IPO4: variants seen among roughly 807,000 people sequenced by gnomAD.
The protein encoded by IPO4 is importin 4.
In IPO4, 91 loss-of-function variants were observed where a neutral mutation model predicts 133.5. That is an observed-to-expected ratio of 0.68 (90% CI 0.58 to 0.81). IPO4 has a LOEUF of 0.81. IPO4 is among the 30% of genes least tolerant of loss of function. The pLI is 0.00. For missense variants in IPO4, 1,279 were observed against 1,386.2 expected (o/e 0.92, Z 1.23); for synonymous variants, 607 against 581.6 (o/e 1.04, Z -0.63).
At chr14:24,186,505 C>T (rs2039225634) in intron 9 of IPO4, 54 bp from the exon 10 acceptor site, 1 of 1,518,904 alleles carries the variant, frequency 6.6e-7, no homozygotes, top group Non-Finnish European at 8.8e-7. Context: ...AGGATGGGCT[C>T]ACATTAAAAA....
At chr14:24,185,825 T>C (rs1279167083) in intron 12 of IPO4, 36 bp downstream of exon 12, 9 of 1,515,900 alleles carry the variant, frequency 5.9e-6, no homozygotes, top group Non-Finnish European at 8.2e-6. Flanking sequence ...GTCCTCCCTG[T>C]GGGCAACCCT....
Position 24,184,423 on chromosome 14 carries a change from G to C in IPO4, c.1637-5C>G, listed in dbSNP as rs764865131. On this transcript the variant is annotated splice_region_variant and splice_polypyrimidine_tract_variant and intron_variant, in intron 16 of 29. Transcript: ENST00000354464. ...GTGCCAGCACCCCCAGTGTCTCTGT[G>C]GGGGCAAGGGCTCCATTAGCACCAG... is the stretch of plus-strand genomic sequence containing the variant. The C allele has an allele frequency of 7.5e-6, 12 of 1,607,756 alleles. No homozygotes were observed. In the African/African-American group the frequency reaches 1.1e-4, roughly 14 times the overall value.
rs1187541747 is a variant in IPO4, at chr14:24,187,413, C to A, written c.575G>T (p.Ser192Ile). The part of the protein sequence containing the change: ...RTLTTMAPYL[S>I]TEDVPLARML... ...CCCACATCTCACCACATCTTCAGTG[C>A]TGAGGTAGGGAGCCATGGTGGTCAG... Residue 192 changes from serine to isoleucine, a missense_variant, in exon 6 of 30, where the codon AGC becomes ATC. This residue lies in a region of IPO4 where 695 missense variants were observed against 704.1 expected (regional missense o/e 0.99). Coordinates refer to ENST00000354464, the MANE Select transcript of IPO4 (RefSeq NM_024658.4). 2 of 1,613,972 alleles carry A rather than the reference C, an allele frequency of 1.2e-6. No individual in the cohort carries two copies. The highest frequency in any genetic ancestry group is 1.7e-6 in the Non-Finnish European group (2 of 1,179,978).
chr14:24,187,026 G>T (rs752945838), intron 7 of IPO4, 47 bp from the exon 8 acceptor site: 5 of 1,611,222 alleles, frequency 3.1e-6, no homozygotes, highest in Non-Finnish European at 4.2e-6. Context: ...TCTTCAGTGG[G>T]CCAAACTGGA....
rs199621745 is a variant in IPO4 at position 24,181,947 on chromosome 14, A to G, written c.2807+8T>C. The G allele has an allele frequency of 1.9e-4, 305 of 1,610,206 alleles. No individual in the cohort carries two copies. Among genetic ancestry groups the G allele is most frequent in the Non-Finnish European group, 2.5e-4 (293 of 1,179,856 alleles). Reference sequence around the variant, plus strand: ...TCCAGTCCCTCCCGTCCTGCGAGCCAAGGATACTCCTGGGCAGGGTGGCCC... The same window carrying G: ...TCCAGTCCCTCCCGTCCTGCGAGCCGAGGATACTCCTGGGCAGGGTGGCCC... On this transcript the variant is annotated splice_region_variant and intron_variant, in intron 26 of 29. Transcript: ENST00000354464.
At chr14:24,182,467 A>C in intron 24 of IPO4, 64 bp from the exon 25 acceptor site, 1 of 1,561,480 alleles carries the variant, frequency 6.4e-7, no homozygotes, top group African/African-American at 1.4e-5. Flanking sequence ...CCTCCCTCCC[A>C]CGCTCTGCCA....
At position 24,185,289 on chromosome 14, in the gene IPO4, C is replaced by T; in HGVS notation, c.1302G>A (p.Arg434=). ...NLQPHISSYS[R]EVMPLLLAYL... ...AGGCGAGGAGCAGTGGCATTACCTC[C>T]CTTGAATAGCTGCTGATATGGGGCT... Residue 434 remains arginine (R), a synonymous_variant, in exon 14 of 30, where the codon AGG becomes AGA. Transcript: ENST00000354464. 1.2e-6 allele frequency: 2 copies of T among 1,614,102 alleles called. No individual in the cohort carries two copies. The highest frequency in any genetic ancestry group is 1.7e-6 in the Non-Finnish European group (2 of 1,179,996).
intron 8 of IPO4, 43 bp from the exon 9 acceptor site, chr14:24,186,834 C>G: frequency 1.2e-6 from 2 of 1,612,264 alleles, no homozygotes; most frequent in Non-Finnish European, 1.7e-6. Context: ...GAAGGAGAGT[C>G]CCAGCAGAGC....
At chr14:24,182,561 C>T in intron 24 of IPO4, 158 bp from the exon 25 acceptor site, 2 of 1,103,702 alleles carry the variant, frequency 1.8e-6, no homozygotes, top group Admixed American at 2.2e-5. Flanking sequence ...CCAGCTTCTT[C>T]CCCTGGCTCT....
At chr14:24,181,490 A>C (rs1025464324) in intron 28 of IPO4, 23 bp downstream of exon 28, 10 of 1,545,320 alleles carry the variant, frequency 6.5e-6, no homozygotes, top group Non-Finnish European at 8.8e-6. Flanking sequence ...TTCCCCTCTG[A>C]GGGCTGCCAG....
In IPO4 at chr14:24,184,411, C is replaced by T. The variant is rs1404658823; in HGVS notation, c.1644G>A (p.Leu548=). 5 of 1,609,714 alleles carry T rather than the reference C, an allele frequency of 3.1e-6. No individual in the cohort carries two copies. Among genetic ancestry groups the T allele is most frequent in the Admixed American group, 1.7e-5 (1 of 59,528 alleles). ...CCCCCACTGCTCGTGCCAGCACCCC[C>T]AGTGTCTCTGTGGGGGCAAGGGCTC... ...QPVQIQSLET[L]GVLARAVGEP... The change falls in exon 17 of 30, where the codon CTG becomes CTA. Residue 548 remains leucine (L), a synonymous_variant. Coordinates refer to ENST00000354464, the MANE Select transcript of IPO4 (RefSeq NM_024658.4).
intron 4 of IPO4, 48 bp from the exon 5 acceptor site, chr14:24,187,844 T>C: frequency 6.2e-7 from 1 of 1,607,866 alleles, no homozygotes; most frequent in Non-Finnish European, 8.5e-7. Context: ...TACCTTCCTC[T>C]GCACACAGTG....
At chr14:24,187,175 T>A in intron 6 of IPO4, 25 bp from the exon 7 acceptor site, 1 of 1,610,004 alleles carries the variant, frequency 6.2e-7, no homozygotes, top group Non-Finnish European at 8.5e-7. Context: ...ACAGAGAGCA[T>A]GATGCAGCCC....
At position 24,188,217 on chromosome 14, in the gene IPO4, C is replaced by T; in HGVS notation, c.277G>A (p.Glu93Lys). The T allele has an allele frequency of 1.9e-6, 3 of 1,613,282 alleles. No individual in the cohort carries two copies. The highest frequency in any genetic ancestry group is 1.6e-4 in the Middle Eastern group (1 of 6,062). Residue 93 changes from glutamate (E) to lysine (K), a missense_variant and splice_region_variant, in exon 4 of 30, where the codon GAG (glutamate) becomes AAG (lysine). Glu to Lys is a moderately conservative substitution (Grantham distance 56, BLOSUM62 1). Coordinates refer to ENST00000354464, the MANE Select transcript of IPO4 (RefSeq NM_024658.4). ...CGAGAGAAGTGGGTAGGTACTTACT[C>T]TGTTTCTCTCTGCAGGGCCGTCAGG... ...LILTALQRET[E>K]HCVSLSLAQL...
At chr14:24,184,604 G>A in intron 16 of IPO4, 46 bp downstream of exon 16, 3 of 1,475,482 alleles carry the variant, frequency 2.0e-6, no homozygotes, top group Non-Finnish European at 2.8e-6. Flanking sequence ...GTGAGCACCA[G>A]CCCTTTGCTG....
intron 8 of IPO4, 34 bp downstream of exon 8, chr14:24,186,844 C>A: frequency 2.5e-6 from 4 of 1,611,138 alleles, no homozygotes; most frequent in South Asian, 2.2e-5. Flanking sequence ...CCCAGCAGAG[C>A]ATGTAGCAGG....
Position 24,183,572 on chromosome 14 carries a change from G to A in IPO4, c.2063+18C>T, listed in dbSNP as rs1258185421. On this transcript the variant is annotated intron_variant, in intron 20 of 29. Transcript: ENST00000354464. ...CCCCAGGCAGGGTTTTCAGTGCCAG[G>A]GAAGGGCGAATGCTCACCTGGTGTT... is the stretch of plus-strand genomic sequence containing the variant. The A allele has an allele frequency of 2.5e-6, 4 of 1,614,032 alleles. No homozygotes were observed. Among genetic ancestry groups the A allele is most frequent in the East Asian group, 2.2e-5 (1 of 44,896 alleles).
At chr14:24,186,227 C>T (rs139105757) in intron 10 of IPO4, 45 bp from the exon 11 acceptor site, 122 of 1,609,594 alleles carry the variant, frequency 7.6e-5, no homozygotes, top group Middle Eastern at 6.6e-4. Context: ...TCCATCTCTG[C>T]CTCCCCAACG....
At position 24,188,424 on chromosome 14, in the gene IPO4, C is replaced by G. The variant is rs56753112; in HGVS notation, c.157-1G>C. On this transcript the variant is annotated splice_acceptor_variant, in intron 2 of 29. Coordinates refer to ENST00000354464, the MANE Select transcript of IPO4 (RefSeq NM_024658.4). LOFTEE classifies it high-confidence loss of function. The stretch of plus-strand genomic sequence containing the variant: ...TCAGCACGGCCGCAAACTGGCGGAT[C>G]TAGGACGAGGAAGCAAGCACGTGGG... The G allele has an allele frequency of 5.3e-5, 86 of 1,611,006 alleles. No homozygotes were observed. The highest frequency in any genetic ancestry group is 7.0e-5 in the Non-Finnish European group (83 of 1,179,868).
Sources: gnomAD v4.1 joint callset for allele counts on GRCh38, gnomAD v4.1.1 for gene constraint, gnomAD v4.1.1 regional missense constraint, MANE v1.5 for transcripts, NCBI Gene and HGNC (gene_info 2026-07-23, HGNC 2026-07-21) for gene names.